The following ACOT13 variants were observed in gnomAD, a reference collection of about 807,000 sequenced individuals.
ACOT13 encodes the protein acyl-CoA thioesterase 13.
Under a neutral mutation model 11.8 loss-of-function variants are expected in ACOT13, and 10 were observed. The observed-to-expected ratio is 0.85, with a 90% CI of 0.53 to 1.44. ACOT13 has a LOEUF of 1.44. Ranked by LOEUF, ACOT13 falls within the 40% of genes most tolerant of loss-of-function variation. ACOT13 has a pLI of 0.00. For missense variants in ACOT13, 172 were observed against 174.1 expected, an observed-to-expected ratio of 0.99 and a Z score of 0.07; for synonymous variants, 53 against 61.0, an observed-to-expected ratio of 0.87 and a Z score of 0.61.
intron 1 of ACOT13, among the ~76,000 whole-genome samples, chr6:24,684,414 G>A (rs1398986715): frequency 6.6e-6 from 1 of 152,212 alleles, no homozygotes. Context: ...CTTGCCATGG[G>A]TTGGATTGCC....
chr6:24,685,011 T>C (rs187950683), intron 1 of ACOT13, among the ~76,000 whole-genome samples: 16 of 152,210 alleles, frequency 1.1e-4, no homozygotes, highest in African/African-American at 3.4e-4. Context: ...ACCCTGTCTC[T>C]AAAAAAAATT....
intron 1 of ACOT13, among the ~76,000 whole-genome samples, chr6:24,668,625 G>A (rs540652605): frequency 6.6e-6 from 1 of 152,304 alleles, no homozygotes; most frequent in Admixed American, 6.5e-5. Flanking sequence ...TTGGCCACTT[G>A]GTACTCATCT....
chr6:24,704,746 T>A lies in ACOT13; in HGVS notation c.*3131T>A, dbSNP rs1051206082. 2 of 152,182 alleles carry A rather than the reference T, an allele frequency of 1.3e-5. No homozygotes were observed. The highest frequency in any genetic ancestry group is 6.5e-5 in the Admixed American group (1 of 15,282). The allele number at this position is 152,182 out of a possible 1,614,324, so 9.4% of individuals were successfully genotyped here. A position where few individuals can be genotyped will look rare whatever the true frequency, so the allele number is the denominator to read the frequency against. On this transcript the variant is annotated 3_prime_UTR_variant, in exon 3 of 3. Coordinates refer to ENST00000230048, the MANE Select transcript of ACOT13 (RefSeq NM_018473.4). Reference sequence around the variant, plus strand: ...TCCTGTTCTTGTTGAAGTTACACACTCAATTGCCAGGTATTTTTCTTCTGA... The same window carrying A: ...TCCTGTTCTTGTTGAAGTTACACACACAATTGCCAGGTATTTTTCTTCTGA...
chr6:24,683,519 A>G (rs1280050227), intron 1 of ACOT13, among the ~76,000 whole-genome samples: 2 of 151,924 alleles, frequency 1.3e-5, no homozygotes, highest in African/African-American at 4.8e-5. Flanking sequence ...CTGGGTGGAC[A>G]GAGTGAGACT....
At chr6:24,681,738 G>A (rs1272283515) in intron 1 of ACOT13, among the ~76,000 whole-genome samples, 1 of 152,114 alleles carries the variant, frequency 6.6e-6, no homozygotes, top group African/African-American at 2.4e-5. Flanking sequence ...AGGACACAAC[G>A]CAGAGCCTCC....
chr6:24,685,410 A>G (rs1161081667), intron 1 of ACOT13, among the ~76,000 whole-genome samples: 1 of 146,714 alleles, frequency 6.8e-6, no homozygotes, highest in Non-Finnish European at 1.5e-5. Context: ...GCAGTGGTGC[A>G]ATCTCGGCTC....
At chr6:24,680,040 A>T (rs1778521310) in intron 1 of ACOT13, among the ~76,000 whole-genome samples, 1 of 152,086 alleles carries the variant, frequency 6.6e-6, no homozygotes, top group African/African-American at 2.4e-5. Context: ...TTTGGGTAAA[A>T]GGGGGGTCCC....
intron 1 of ACOT13, among the ~76,000 whole-genome samples, chr6:24,682,313 T>C (rs6931502): frequency 0.8 from 122,260 of 152,110 alleles, 49,926 homozygotes; most frequent in African/African-American, 0.95. Context: ...GGTCCTTGCT[T>C]CCAGAGCTCC....
intron 1 of ACOT13, among the ~76,000 whole-genome samples, chr6:24,669,200 C>T (rs895838319): frequency 6.6e-6 from 1 of 152,150 alleles, no homozygotes; most frequent in African/African-American, 2.4e-5. Flanking sequence ...ACAACATGTG[C>T]CCAAGGTGGT....
chr6:24,686,634 A>ACTCTTTCTCTCTTTCTTCTCT (rs1778635309), intron 1 of ACOT13, among the ~76,000 whole-genome samples: 1 of 92,846 alleles, frequency 1.1e-5, no homozygotes, highest in East Asian at 2.8e-4. Context: ...TTTCTCTTTC[A>ACTCTTTCTCTCTTTCTTCTCT]CTCTTTCTCT....
Position 24,686,642 on chromosome 6 carries a change from T to C in ACOT13, c.82-11241T>C, listed in dbSNP as rs1378466357. On this transcript the variant is annotated intron_variant, in intron 1 of 2. Coordinates refer to ENST00000230048, the MANE Select transcript of ACOT13 (RefSeq NM_018473.4). ...TCCTTTCTTTCTCTTTCACTCTTTC[T>C]CTCTTTCTTCTCTCTCTTTCTCTCT... is the stretch of plus-strand genomic sequence containing the variant. 2.6e-5 allele frequency among the ~76,000 whole-genome samples: 4 copies of C among 151,616 alleles called. No homozygotes were observed. The East Asian group carries it at 7.7e-4, about 29-fold the overall frequency.
intron 1 of ACOT13, among the ~76,000 whole-genome samples, chr6:24,669,557 T>TA (rs1401872917): frequency 1.6e-4 from 25 of 152,140 alleles, no homozygotes; most frequent in Middle Eastern, 3.4e-3. Flanking sequence ...TTTCTTTTTT[T>TA]TAAAAAAAAT....
chr6:24,671,211 C>A (rs938515775), intron 1 of ACOT13, among the ~76,000 whole-genome samples: 43 of 152,072 alleles, frequency 2.8e-4, no homozygotes, highest in African/African-American at 6.3e-4. Context: ...TGGAACCAAC[C>A]CAAATGTCCA....
chr6:24,668,057 C>T (rs755924587), intron 1 of ACOT13, among the ~76,000 whole-genome samples: 14 of 151,756 alleles, frequency 9.2e-5, no homozygotes, highest in Admixed American at 9.2e-4. Context: ...TACAGGCATG[C>T]GCCACCATGC....
chr6:24,692,954 T>C (rs1778740907), intron 1 of ACOT13, among the ~76,000 whole-genome samples: 1 of 152,224 alleles, frequency 6.6e-6, no homozygotes. Context: ...GGTACTTTTA[T>C]AGCATCTACC....
chr6:24,679,145 A>T (rs1322546639), intron 1 of ACOT13, among the ~76,000 whole-genome samples: 1 of 152,196 alleles, frequency 6.6e-6, no homozygotes. Context: ...AAGCCATATT[A>T]GGCATTCGAT....
Position 24,703,131 on chromosome 6 carries a change from C to G in ACOT13, c.*1516C>G, listed in dbSNP as rs1303971024. 6.6e-6 allele frequency: 1 copy of G among 152,330 alleles called. No individual in the cohort carries two copies. The highest frequency in any genetic ancestry group is 1.5e-5 in the Non-Finnish European group (1 of 68,142). 9.4% of individuals were successfully genotyped at this position (152,330 alleles called of 1,614,324 possible). On this transcript the variant is annotated 3_prime_UTR_variant, in exon 3 of 3. Coordinates refer to ENST00000230048, the MANE Select transcript of ACOT13 (RefSeq NM_018473.4). ...GGCTCAAGCAATCCTCCTGCCTTGGCCCCCCAAGTACTGGACTTACAGGTG... is the reference window on the plus strand; with the variant it reads ...GGCTCAAGCAATCCTCCTGCCTTGGGCCCCCAAGTACTGGACTTACAGGTG...
chr6:24,695,081 G>T (rs1250708895), intron 1 of ACOT13, among the ~76,000 whole-genome samples: 1 of 152,178 alleles, frequency 6.6e-6, no homozygotes, highest in African/African-American at 2.4e-5. Context: ...GGCCGAGGTG[G>T]GTGGATCACC....
At chr6:24,674,568 C>T (rs1582434257) in intron 1 of ACOT13, among the ~76,000 whole-genome samples, 1 of 152,004 alleles carries the variant, frequency 6.6e-6, no homozygotes, top group East Asian at 1.9e-4. Context: ...GCCACCACGC[C>T]TGGCTAATTT....
Sources: gnomAD v4.1 joint callset for allele counts (sites outside exome capture counted in the v4.1 genomes callset) on GRCh38, gnomAD v4.1.1 for gene constraint, MANE v1.5 for transcripts, NCBI Gene and HGNC (gene_info 2026-07-23, HGNC 2026-07-21) for gene names.